The following GRM7 variants were observed in gnomAD, a reference collection of about 807,000 sequenced individuals.
GRM7 encodes the protein glutamate metabotropic receptor 7.
In GRM7, 35 loss-of-function variants were observed where a neutral mutation model predicts 84.5. That is an observed-to-expected ratio of 0.41 (90% CI 0.32 to 0.55). The LOEUF (loss-of-function observed/expected upper bound fraction) is 0.55. Among genes scored for constraint, GRM7 ranks in the 20% least tolerant of loss-of-function variants. The probability of loss-of-function intolerance (pLI) is 0.19; values close to 1 mark genes in which losing one functional copy is unlikely to be tolerated. For missense variants in GRM7, 1,003 were observed against 1,194.6 expected, an observed-to-expected ratio of 0.84 and a Z score of 2.36; for synonymous variants, 487 against 455.1, an observed-to-expected ratio of 1.07 and a Z score of -0.89.
chr3:7,016,316 G>T (rs1055144747), intron 1 of GRM7, among the ~76,000 whole-genome samples: 1 of 152,150 alleles, frequency 6.6e-6, no homozygotes, highest in Admixed American at 6.5e-5. Flanking sequence ...ACAGAAGAAG[G>T]TGTTTTACTT....
intron 1 of GRM7, among the ~76,000 whole-genome samples, chr3:6,981,398 A>G (rs1694194513): frequency 6.6e-6 from 1 of 152,156 alleles, no homozygotes; most frequent in Admixed American, 6.5e-5. Context: ...GGACAAAGGA[A>G]TCTCCCATCC....
chr3:7,235,212 T>G (rs906711703), intron 2 of GRM7, among the ~76,000 whole-genome samples: 14 of 152,208 alleles, frequency 9.2e-5, no homozygotes, highest in African/African-American at 3.4e-4. Context: ...TCCTTTGTAT[T>G]TCCATGTGGA....
intron 8 of GRM7, among the ~76,000 whole-genome samples, chr3:7,592,312 A>G (rs1450413575): frequency 6.6e-6 from 1 of 152,194 alleles, no homozygotes; most frequent in Non-Finnish European, 1.5e-5. Context: ...ACAGTCTGCA[A>G]TTAGGAATAG....
intron 1 of GRM7, among the ~76,000 whole-genome samples, chr3:6,906,069 A>G (rs538022766): frequency 6.6e-6 from 1 of 152,318 alleles, no homozygotes; most frequent in African/African-American, 2.4e-5. Flanking sequence ...TCAACTGGGA[A>G]CATTTTTCTC....
chr3:7,695,162 T>C (rs1378631129), intron 9 of GRM7, among the ~76,000 whole-genome samples: 4 of 152,214 alleles, frequency 2.6e-5, no homozygotes, highest in Non-Finnish European at 5.9e-5. Context: ...TGAGAAGCTA[T>C]GTCAAGGTCC....
chr3:7,112,307 C>T (rs545383106), intron 1 of GRM7, among the ~76,000 whole-genome samples: 222 of 152,102 alleles, frequency 1.5e-3, no homozygotes, highest in Non-Finnish European at 2.6e-3. Flanking sequence ...TCACTACAAC[C>T]TCTACCTCCC....
At chr3:6,883,101 C>T (rs1480244829) in intron 1 of GRM7, among the ~76,000 whole-genome samples, 1 of 152,118 alleles carries the variant, frequency 6.6e-6, no homozygotes, top group African/African-American at 2.4e-5. Flanking sequence ...ATTTGTGCCA[C>T]TCTGTTGAGT....
intron 1 of GRM7, among the ~76,000 whole-genome samples, chr3:6,920,969 A>G (rs1697103433): frequency 6.6e-6 from 1 of 152,202 alleles, no homozygotes; most frequent in Admixed American, 6.5e-5. Flanking sequence ...AACCTTAGAG[A>G]AATCTAAAGA....
intron 5 of GRM7, among the ~76,000 whole-genome samples, chr3:7,429,082 A>G (rs571684672): frequency 5.3e-5 from 8 of 152,276 alleles, no homozygotes; most frequent in Non-Finnish European, 8.8e-5. Context: ...CCTTAAATCA[A>G]TTTCAATTCC....
intron 2 of GRM7, among the ~76,000 whole-genome samples, chr3:7,202,792 T>G (rs375392188): frequency 1.3e-5 from 2 of 152,370 alleles, no homozygotes; most frequent in African/African-American, 4.8e-5. Flanking sequence ...GAAAACTGTC[T>G]TTTTATCTTT....
In GRM7 at chr3:6,908,631, G is replaced by T. The variant is rs146046201; in HGVS notation, c.519+46724G>T. Among the ~76,000 whole-genome samples the T allele has an allele frequency of 1.1e-4, 17 of 152,212 alleles. No individual in the cohort carries two copies. In the East Asian group the frequency reaches 1.5e-3, roughly 14 times the overall value. ...GCTAAAATTCACTGTACCTGTCCTC[G>T]CACAGAGTCCTTGAAGTGTCCTTTT... On this transcript the variant is annotated intron_variant, in intron 1 of 9. Coordinates refer to ENST00000357716, the MANE Select transcript of GRM7 (RefSeq NM_000844.4).
intron 5 of GRM7, among the ~76,000 whole-genome samples, chr3:7,416,985 G>A (rs1243540719): frequency 4.6e-5 from 7 of 152,034 alleles, no homozygotes; most frequent in Non-Finnish European, 7.4e-5. Flanking sequence ...GTTGATGGAC[G>A]TTAGGATTGT....
chr3:6,919,619 G>A (rs1697057210), intron 1 of GRM7, among the ~76,000 whole-genome samples: 1 of 149,898 alleles, frequency 6.7e-6, no homozygotes, highest in Non-Finnish European at 1.5e-5. Flanking sequence ...TCTGCAGCCA[G>A]GCAAAACAGA....
At chr3:7,410,982 C>T (rs747057175) in intron 4 of GRM7, among the ~76,000 whole-genome samples, 15 of 152,126 alleles carry the variant, frequency 9.9e-5, no homozygotes, top group South Asian at 2.1e-4. Flanking sequence ...AGGCTCTAGG[C>T]GGAGTAGCCT....
In GRM7 at chr3:7,129,166, A is replaced by T. The variant is rs1014135435; in HGVS notation, c.520-17286A>T. ...GGTCATTGTAGGTGACCCTAATGGA[A>T]TTGTATTTTTGACATCATTTGCTAC... On this transcript the variant is annotated intron_variant, in intron 1 of 9. Coordinates refer to ENST00000357716, the MANE Select transcript of GRM7 (RefSeq NM_000844.4). Among the ~76,000 whole-genome samples, 15 of 152,308 alleles carry T rather than the reference A, an allele frequency of 9.8e-5. 1 individual carries two copies. Among genetic ancestry groups the T allele is most frequent in the Non-Finnish European group, 2.1e-4 (14 of 68,030 alleles).
chr3:7,440,817 A>G (rs1342948757), intron 5 of GRM7, among the ~76,000 whole-genome samples: 2 of 152,078 alleles, frequency 1.3e-5, no homozygotes, highest in African/African-American at 4.8e-5. Flanking sequence ...GCTGCAAAAG[A>G]TATTATCTCA....
chr3:7,234,384 A>G (rs1014193333), intron 2 of GRM7, among the ~76,000 whole-genome samples: 8 of 152,266 alleles, frequency 5.3e-5, no homozygotes, highest in African/African-American at 1.7e-4. Flanking sequence ...ACTAACTAGC[A>G]CTGTGACTCT....
At chr3:6,996,531 G>C (rs929461334) in intron 1 of GRM7, among the ~76,000 whole-genome samples, 18 of 152,038 alleles carry the variant, frequency 1.2e-4, no homozygotes, top group African/African-American at 4.3e-4. Context: ...CATACTATTG[G>C]GAGTTTGCTC....
At chr3:7,438,172 G>A (rs1039406869) in intron 5 of GRM7, among the ~76,000 whole-genome samples, 3 of 151,950 alleles carry the variant, frequency 2.0e-5, no homozygotes, top group Admixed American at 1.3e-4. Context: ...GTTGACTACT[G>A]TATGAAAATC....
Sources: gnomAD v4.1 joint callset for allele counts (sites outside exome capture counted in the v4.1 genomes callset) on GRCh38, gnomAD v4.1.1 for gene constraint, MANE v1.5 for transcripts, NCBI Gene and HGNC (gene_info 2026-07-23, HGNC 2026-07-21) for gene names.